Variants in SLC9A4 observed in about 807,000 individuals in gnomAD.
SLC9A4 encodes the protein sodium/hydrogen exchanger 4.
In SLC9A4, 63 loss-of-function variants were observed where a neutral mutation model predicts 67.4. The ratio of observed to expected loss-of-function variants is 0.93; its 90% CI spans 0.76 to 1.15. The LOEUF (loss-of-function observed/expected upper bound fraction) is 1.15, where lower values mean the gene tolerates loss of function less well. SLC9A4 is among the 50% of genes most tolerant of loss of function. The pLI is 0.00. For synonymous variants in SLC9A4, 393 were observed against 367.2 expected, an observed-to-expected ratio of 1.07 and a Z score of -0.80; for missense variants, 1,089 against 987.7, an observed-to-expected ratio of 1.10 and a Z score of -1.38.
At position 102,503,618 on chromosome 2, in the gene SLC9A4, T is replaced by C. The variant is rs748295478; in HGVS notation, c.891T>C (p.Asn297=). ...ISAFITRFTQ[N]ISAIEPLIVF... ...CATTTATCACACGTTTCACTCAGAA[T>C]ATCTCTGCAATTGAGCCACTCATCG... is the stretch of plus-strand genomic sequence containing the variant. The change falls in exon 3 of 12, where the codon AAT becomes AAC. Residue 297 remains asparagine, a synonymous_variant. Coordinates refer to ENST00000295269, the MANE Select transcript of SLC9A4 (RefSeq NM_001011552.4). The C allele has an allele frequency of 8.7e-5, 141 of 1,614,122 alleles. No homozygotes were observed. The Admixed American group carries it at 2.3e-3, about 27-fold the overall frequency.
At chr2:102,495,704 A>G (rs1376026209) in intron 2 of SLC9A4, among the ~76,000 whole-genome samples, 2 of 152,190 alleles carry the variant, frequency 1.3e-5, no homozygotes, top group Admixed American at 6.5e-5. Flanking sequence ...GTTTAGAAAT[A>G]GACTTACATA....
At chr2:102,481,015 G>A (rs968425119) in intron 2 of SLC9A4, among the ~76,000 whole-genome samples, 20 of 152,288 alleles carry the variant, frequency 1.3e-4, no homozygotes, top group Admixed American at 2.6e-4. Flanking sequence ...TAATTTTGCA[G>A]GTTGGCAGGG....
intron 4 of SLC9A4, 100 bp downstream of exon 4, chr2:102,505,571 A>G (rs561784667): frequency 8.3e-7 from 1 of 1,197,738 alleles, no homozygotes; most frequent in South Asian, 1.4e-5. Context: ...GTAGATGCTA[A>G]CTGGTTTTAC....
intron 2 of SLC9A4, among the ~76,000 whole-genome samples, chr2:102,498,697 G>A (rs894827880): frequency 3.3e-5 from 5 of 152,112 alleles, no homozygotes; most frequent in African/African-American, 4.8e-5. Flanking sequence ...CAAACTCACC[G>A]AGTCAAGACA....
chr2:102,479,010 G>A lies in SLC9A4; in HGVS notation c.428G>A (p.Gly143Asp). 6.2e-7 allele frequency: 1 copy of A among 1,614,190 alleles called. No homozygotes were observed. ...YLLPPIVLEG[G>D]YFMPTRPFFE... ...CTGCCACCCATCGTTCTGGAGGGCG[G>A]CTACTTCATGCCCACCCGGCCCTTC... The change falls in exon 2 of 12, where the codon GGC becomes GAC. Residue 143 changes from glycine to aspartate, a missense_variant. Coordinates refer to ENST00000295269, the MANE Select transcript of SLC9A4 (RefSeq NM_001011552.4).
intron 10 of SLC9A4, 44 bp from the exon 11 acceptor site, chr2:102,526,215 T>A (rs771402424): frequency 5.0e-5 from 79 of 1,591,500 alleles, no homozygotes; most frequent in Non-Finnish European, 8.6e-6. Flanking sequence ...AGCTCTTAAT[T>A]GAGACAGCTT....
At chr2:102,488,609 C>T (rs533779491) in intron 2 of SLC9A4, among the ~76,000 whole-genome samples, 30 of 148,286 alleles carry the variant, frequency 2.0e-4, no homozygotes, top group Non-Finnish European at 3.1e-4. Context: ...AGTGCAGTGG[C>T]GCGATCTCAG....
Position 102,473,600 on chromosome 2 carries a change from A to C in SLC9A4, c.-160A>C. ...ACCAGATTAGAAAGTGTCTACATAC[A>C]GAGCTCAATAACACACTCGGAATCT... On this transcript the variant is annotated 5_prime_UTR_variant, in exon 1 of 12. Coordinates refer to ENST00000295269, the MANE Select transcript of SLC9A4 (RefSeq NM_001011552.4). 1.1e-5 allele frequency: 9 copies of C among 807,168 alleles called. No homozygotes were observed. The highest frequency in any genetic ancestry group is 1.7e-5 in the African/African-American group (1 of 57,688). 50.0% of individuals were successfully genotyped at this position (807,168 alleles called of 1,614,324 possible).
chr2:102,501,866 C>A (rs953467720), intron 2 of SLC9A4, among the ~76,000 whole-genome samples: 1 of 151,508 alleles, frequency 6.6e-6, no homozygotes, highest in South Asian at 2.1e-4. Flanking sequence ...AGATCAGAGT[C>A]AAGCAGAAGG....
At chr2:102,505,690 C>T in intron 4 of SLC9A4, 1 of 478,638 alleles carries the variant, frequency 2.1e-6, no homozygotes. Context: ...TGAAGCAAGG[C>T]TGGGGCAAGG....
chr2:102,525,065 T>A lies in SLC9A4; in HGVS notation c.1860T>A (p.Ser620Arg), dbSNP rs1033442745. Residue 620 changes from serine (S) to arginine (R), a missense_variant, in exon 10 of 12, where the codon AGT becomes AGA. By Grantham distance (110) the Ser-to-Arg change is moderately radical (BLOSUM62 -1). Coordinates refer to ENST00000295269, the MANE Select transcript of SLC9A4 (RefSeq NM_001011552.4). ...YNKYNLKPQT[S>R]EKQAKEILIR... is the part of the protein sequence containing the mutation. ...AATACAACCTCAAACCCCAAACAAG[T>A]GAGAAGCAGGCTAAAGAGATTCTGA... The A allele has an allele frequency of 6.2e-6, 10 of 1,613,844 alleles. No homozygotes were observed. In the African/African-American group the frequency reaches 1.3e-4, roughly 22 times the overall value.
chr2:102,497,282 G>C (rs184155536), intron 2 of SLC9A4, among the ~76,000 whole-genome samples: 3 of 152,122 alleles, frequency 2.0e-5, no homozygotes, highest in Non-Finnish European at 4.4e-5. Flanking sequence ...AAACTTTCAC[G>C]TGTCTACCAT....
chr2:102,507,309 G>C (rs1331286051), intron 4 of SLC9A4, among the ~76,000 whole-genome samples: 2 of 152,098 alleles, frequency 1.3e-5, no homozygotes, highest in African/African-American at 4.8e-5. Flanking sequence ...AGGATGTGGA[G>C]AGTTTTATTC....
intron 10 of SLC9A4, among the ~76,000 whole-genome samples, chr2:102,525,539 C>A (rs1270133587): frequency 6.6e-6 from 1 of 151,694 alleles, no homozygotes; most frequent in Non-Finnish European, 1.5e-5. Flanking sequence ...AGGATGCTTA[C>A]TTCTCTCCCA....
At chr2:102,501,865 T>A (rs531637727) in intron 2 of SLC9A4, among the ~76,000 whole-genome samples, 124 of 150,060 alleles carry the variant, frequency 8.3e-4, no homozygotes, top group African/African-American at 3.0e-3. Context: ...GAGATCAGAG[T>A]CAAGCAGAAG....
chr2:102,473,834 A>G lies in SLC9A4; in HGVS notation c.75A>G (p.Glu25=). The part of the protein sequence containing the change: ...LLLLVALECS[E]ASSDLNESAN... ...TGCTAGTGGCTCTTGAGTGTTCTGA[A>G]GCATCTTCTGATTTGAATGAATCTG... Residue 25 remains glutamate (E), a synonymous_variant, in exon 1 of 12, where the codon GAA becomes GAG. Transcript: ENST00000295269. The G allele has an allele frequency of 6.2e-7, 1 of 1,614,074 alleles. No individual in the cohort carries two copies. Among genetic ancestry groups the G allele is most frequent in the Non-Finnish European group, 8.5e-7 (1 of 1,179,948 alleles).
chr2:102,490,625 G>C (rs1573333224), intron 2 of SLC9A4, among the ~76,000 whole-genome samples: 1 of 152,290 alleles, frequency 6.6e-6, no homozygotes, highest in African/African-American at 2.4e-5. Context: ...AATTTGGAGA[G>C]GGGGGCATGA....
At chr2:102,501,311 C>T (rs942599246) in intron 2 of SLC9A4, among the ~76,000 whole-genome samples, 1 of 152,138 alleles carries the variant, frequency 6.6e-6, no homozygotes, top group East Asian at 1.9e-4. Flanking sequence ...AGTAGAGATA[C>T]GGTTTCACCA....
intron 2 of SLC9A4, among the ~76,000 whole-genome samples, chr2:102,495,401 T>C (rs900813188): frequency 6.6e-6 from 1 of 152,112 alleles, no homozygotes; most frequent in Non-Finnish European, 1.5e-5. Flanking sequence ...TATTCATTAA[T>C]GGAAGAGTAA....
Sources: gnomAD v4.1 joint callset for allele counts (sites outside exome capture counted in the v4.1 genomes callset) on GRCh38, gnomAD v4.1.1 for gene constraint, MANE v1.5 for transcripts, NCBI Gene and HGNC (gene_info 2026-07-23, HGNC 2026-07-21) for gene names.